CDC14B: variants seen among roughly 807,000 people sequenced by gnomAD.
The protein encoded by CDC14B is cell division cycle 14B.
A neutral mutation model predicts 64.2 loss-of-function variants in CDC14B; 22 were observed. The observed-to-expected ratio is 0.34, with a 90% CI of 0.24 to 0.49. CDC14B has a LOEUF of 0.49. Among genes scored for constraint, CDC14B ranks in the 20% least tolerant of loss-of-function variants. The pLI, the probability that CDC14B is intolerant of heterozygous loss-of-function variation, is 0.99. For synonymous variants in CDC14B, 191 were observed against 215.8 expected, an observed-to-expected ratio of 0.89 and a Z score of 1.01; for missense variants, 498 against 629.9, an observed-to-expected ratio of 0.79 and a Z score of 2.24.
chr9:96,579,344 T>C (rs926576512), intron 1 of CDC14B, among the ~76,000 whole-genome samples: 2 of 151,760 alleles, frequency 1.3e-5, no homozygotes, highest in Non-Finnish European at 2.9e-5. Context: ...TCCCAGCACT[T>C]TGGGAAGCCA....
chr9:96,609,757 C>A (rs1218340282), intron 1 of CDC14B, among the ~76,000 whole-genome samples: 2 of 152,108 alleles, frequency 1.3e-5, no homozygotes, highest in African/African-American at 4.8e-5. Context: ...CAAATGAGAA[C>A]TTGAAAGAAC....
chr9:96,606,485 C>T (rs532031310), intron 1 of CDC14B, among the ~76,000 whole-genome samples: 15 of 150,724 alleles, frequency 1.0e-4, no homozygotes, highest in Non-Finnish European at 2.1e-4. Context: ...GAGTTCTAGA[C>T]CAGCCTGGGC....
chr9:96,587,727 G>C (rs1410760305), intron 1 of CDC14B, among the ~76,000 whole-genome samples: 1 of 152,164 alleles, frequency 6.6e-6, no homozygotes, highest in African/African-American at 2.4e-5. Flanking sequence ...CGGCACCAAG[G>C]AAGAGTAAGT....
intron 1 of CDC14B, among the ~76,000 whole-genome samples, chr9:96,572,999 G>A (rs1844562503): frequency 6.6e-6 from 1 of 150,890 alleles, no homozygotes; most frequent in South Asian, 2.1e-4. Context: ...GTTTGCAGAT[G>A]ACTGTCTACT....
At chr9:96,516,083 T>C (rs1835615522) in intron 12 of CDC14B, among the ~76,000 whole-genome samples, 1 of 152,108 alleles carries the variant, frequency 6.6e-6, no homozygotes, top group South Asian at 2.1e-4. Flanking sequence ...AGATAAATGA[T>C]TGAGGTTCTT....
downstream of CDC14B, among the ~76,000 whole-genome samples, chr9:96,499,345 G>A (rs1189864809): frequency 6.6e-6 from 1 of 152,240 alleles, no homozygotes; most frequent in Non-Finnish European, 1.5e-5. Flanking sequence ...AGTAAGCTGT[G>A]TGTGAGGTGT....
chr9:96,545,474 C>A (rs537362396), intron 5 of CDC14B, among the ~76,000 whole-genome samples: 3 of 151,988 alleles, frequency 2.0e-5, no homozygotes, highest in Admixed American at 1.3e-4. Context: ...CCTGCCACCA[C>A]GCCCAGCTAA....
chr9:96,589,573 C>G (rs931653140), intron 1 of CDC14B, among the ~76,000 whole-genome samples: 1 of 151,980 alleles, frequency 6.6e-6, no homozygotes, highest in Admixed American at 6.6e-5. Context: ...TCTTCAGGAG[C>G]CTAATGTAAT....
intron 1 of CDC14B, among the ~76,000 whole-genome samples, chr9:96,584,856 G>A (rs7045239): frequency 0.059 from 9,024 of 151,926 alleles, 903 homozygotes; most frequent in African/African-American, 0.21. Context: ...GGGTTTCACC[G>A]TGTTGGTCAG....
intron 7 of CDC14B, 165 bp downstream of exon 7, chr9:96,538,912 GA>G: frequency 1.7e-6 from 1 of 581,874 alleles, no homozygotes; most frequent in South Asian, 1.9e-5. Flanking sequence ...GTGAGGTGAT[GA>G]ATATGTTAAT....
intron 12 of CDC14B, 60 bp downstream of exon 12, chr9:96,522,446 A>AC (rs1201779322): frequency 2.7e-6 from 3 of 1,108,400 alleles, no homozygotes; most frequent in Admixed American, 3.4e-5. Flanking sequence ...AAAAACCCTC[A>AC]CCAAGGACCC....
intron 6 of CDC14B, 65 bp downstream of exon 6, chr9:96,541,761 T>TA: frequency 8.9e-7 from 1 of 1,128,982 alleles, no homozygotes; most frequent in Non-Finnish European, 1.3e-6. Flanking sequence ...GAAGAAGGCC[T>TA]AGTTTTCTTG....
At chr9:96,565,300 G>T in intron 2 of CDC14B, 93 bp downstream of exon 2, 1 of 727,660 alleles carries the variant, frequency 1.4e-6, no homozygotes, top group South Asian at 1.8e-5. Flanking sequence ...GCAATCAATA[G>T]ATTTATAATT....
At chr9:96,607,774 C>T (rs534158982) in intron 1 of CDC14B, among the ~76,000 whole-genome samples, 6 of 152,200 alleles carry the variant, frequency 3.9e-5, no homozygotes, top group African/African-American at 9.6e-5. Context: ...CAATGTGGGA[C>T]GGGTCTGGGG....
Position 96,619,473 on chromosome 9 carries a change from G to GCGGCGGGCGCAGAGCGGCGCTGCGGGGA in CDC14B, c.-123_-96dup, listed in dbSNP as rs1361012683. 1 of 681,148 alleles carries GCGGCGGGCGCAGAGCGGCGCTGCGGGGA rather than the reference G, an allele frequency of 1.5e-6. No homozygotes were observed. Among genetic ancestry groups the GCGGCGGGCGCAGAGCGGCGCTGCGGGGA allele is most frequent in the Non-Finnish European group, 1.8e-6 (1 of 555,250 alleles). 42.2% of individuals were successfully genotyped at this position (681,148 alleles called of 1,614,324 possible). ...CGCCAGCCCCGCGCGGGCGCTCGGG[G>GCGGCGGGCGCAGAGCGGCGCTGCGGGGA]CGGCGGGCGCAGAGCGGCGCTGCGG... On this transcript the variant is annotated 5_prime_UTR_variant, in exon 1 of 14. The change creates a premature stop within an existing upstream ORF in the 5' untranslated region. Transcript: ENST00000375241.
chr9:96,616,924 T>C (rs1328153655), intron 1 of CDC14B, among the ~76,000 whole-genome samples: 1 of 152,072 alleles, frequency 6.6e-6, no homozygotes, highest in East Asian at 1.9e-4. Flanking sequence ...TGAAGATACT[T>C]TAATTGGCCT....
chr9:96,504,277 G>A (rs1285389316), intron 13 of CDC14B, among the ~76,000 whole-genome samples: 3 of 152,012 alleles, frequency 2.0e-5, no homozygotes, highest in African/African-American at 2.4e-5. Flanking sequence ...CAGCTCCACC[G>A]AGCACAGGAG....
At chr9:96,597,501 GAAAAAAAAAA>G (rs1217556598) in intron 1 of CDC14B, among the ~76,000 whole-genome samples, 2 of 66,816 alleles carry the variant, frequency 3.0e-5, no homozygotes, top group Non-Finnish European at 6.2e-5. Context: ...TTCCAAAAAA[GAAAAAAAAAA>G]AAAAAGACAG....
intron 9 of CDC14B, among the ~76,000 whole-genome samples, chr9:96,526,650 T>C (rs1190156087): frequency 2.0e-5 from 3 of 152,232 alleles, no homozygotes; most frequent in Non-Finnish European, 4.4e-5. Context: ...TTTTCTTCCC[T>C]AAACAAAGAT....
Sources: allele counts gnomAD v4.1 joint callset (sites outside exome capture counted in the v4.1 genomes callset), GRCh38; gene constraint gnomAD v4.1.1; transcripts MANE v1.5; gene names NCBI Gene and HGNC (gene_info 2026-07-23, HGNC 2026-07-21).